PDZRN4: variants seen among roughly 807,000 people sequenced by gnomAD.
The protein encoded by PDZRN4 is PDZ domain-containing RING finger protein 4.
PDZRN4 carries 70 observed loss-of-function variants against 99.0 expected under a neutral mutation model. That is an observed-to-expected ratio of 0.71 (90% confidence interval 0.58 to 0.86). The LOEUF (loss-of-function observed/expected upper bound fraction) is 0.86, where lower values mean the gene tolerates loss of function less well. Among genes scored for constraint, PDZRN4 ranks in the 40% least tolerant of loss-of-function variants. The pLI, the probability that PDZRN4 is intolerant of heterozygous loss-of-function variation, is 0.00. For missense variants in PDZRN4, 1,474 were observed against 1,331.2 expected, an observed-to-expected ratio of 1.11 and a Z score of -1.67; for synonymous variants, 551 against 501.6, an observed-to-expected ratio of 1.10 and a Z score of -1.32.
chr12:41,329,551 A>C (rs1951730365), intron 3 of PDZRN4, among the ~76,000 whole-genome samples: 1 of 152,116 alleles, frequency 6.6e-6, no homozygotes, highest in African/African-American at 2.4e-5. Context: ...TCAGTTCAGC[A>C]TATTGTTTAT....
chr12:41,222,522 T>C (rs1206899698), intron 3 of PDZRN4, among the ~76,000 whole-genome samples: 1 of 152,112 alleles, frequency 6.6e-6, no homozygotes, highest in East Asian at 1.9e-4. Context: ...TTACTATTAT[T>C]TCTATTTTTT....
At chr12:41,372,864 A>G (rs1366477164) in intron 3 of PDZRN4, among the ~76,000 whole-genome samples, 4 of 152,166 alleles carry the variant, frequency 2.6e-5, no homozygotes, top group African/African-American at 9.7e-5. Context: ...TACAGGATGA[A>G]TTTAAAAAGC....
At chr12:41,421,442 C>G (rs1463357237) in intron 3 of PDZRN4, among the ~76,000 whole-genome samples, 1 of 152,176 alleles carries the variant, frequency 6.6e-6, no homozygotes, top group Non-Finnish European at 1.5e-5. Flanking sequence ...ATCCACCTAC[C>G]TTGGCCTCCC....
chr12:41,504,532 A>T lies in PDZRN4; in HGVS notation c.844-1924A>T, dbSNP rs1263092285. On this transcript the variant is annotated intron_variant, in intron 3 of 9. Transcript: ENST00000402685. ...CTGACCACAATATGAAACATATGGG[A>T]TGATATTATTCAATGAAAGGGGCTA... 2.0e-5 allele frequency among the ~76,000 whole-genome samples: 3 copies of T among 152,144 alleles called. No individual in the cohort carries two copies. In the South Asian group the frequency reaches 6.2e-4, roughly 32 times the overall value.
intron 3 of PDZRN4, among the ~76,000 whole-genome samples, chr12:41,416,512 G>T (rs549604921): frequency 6.6e-6 from 1 of 152,086 alleles, no homozygotes; most frequent in South Asian, 2.1e-4. Flanking sequence ...AGCCAGCTGT[G>T]GGGGCAGTCA....
chr12:41,354,072 G>T (rs1951910411), intron 3 of PDZRN4, among the ~76,000 whole-genome samples: 1 of 152,098 alleles, frequency 6.6e-6, no homozygotes, highest in South Asian at 2.1e-4. Flanking sequence ...TATTAACAAG[G>T]CAGCTGGCTT....
At position 41,545,145 on chromosome 12, in the gene PDZRN4, C is replaced by T. The variant is rs571339395; in HGVS notation, c.1204-7511C>T. 5.9e-5 allele frequency among the ~76,000 whole-genome samples: 9 copies of T among 152,258 alleles called. No homozygotes were observed. In the South Asian group the frequency reaches 1.0e-3, roughly 18 times the overall value. On this transcript the variant is annotated intron_variant, in intron 5 of 9. Coordinates refer to ENST00000402685, the MANE Select transcript of PDZRN4 (RefSeq NM_001164595.2). ...AGTTTTATTTCTTTTATAATAGCCCCGTTTACTTTTTGCAAAGAACCCAAA... is the reference window on the plus strand; with the variant it reads ...AGTTTTATTTCTTTTATAATAGCCCTGTTTACTTTTTGCAAAGAACCCAAA...
intron 5 of PDZRN4, among the ~76,000 whole-genome samples, chr12:41,517,052 C>T (rs957747604): frequency 4.6e-5 from 7 of 151,912 alleles, no homozygotes; most frequent in Non-Finnish European, 1.5e-5. Context: ...TAATTCTTTC[C>T]GATTTCTTAC....
intron 3 of PDZRN4, among the ~76,000 whole-genome samples, chr12:41,305,100 G>A (rs1388227445): frequency 4.6e-5 from 7 of 152,196 alleles, no homozygotes; most frequent in South Asian, 2.1e-4. Context: ...CATAAACTGC[G>A]AGAACAGACT....
chr12:41,432,545 A>G (rs1952593905), intron 3 of PDZRN4, among the ~76,000 whole-genome samples: 1 of 152,240 alleles, frequency 6.6e-6, no homozygotes, highest in Non-Finnish European at 1.5e-5. Context: ...ACAGAATGTG[A>G]AAGGTACAAT....
At chr12:41,322,918 C>T (rs1217133408) in intron 3 of PDZRN4, among the ~76,000 whole-genome samples, 2 of 150,660 alleles carry the variant, frequency 1.3e-5, no homozygotes, top group African/African-American at 4.9e-5. Flanking sequence ...TCTCATACAT[C>T]TTGAAAAAAA....
intron 3 of PDZRN4, among the ~76,000 whole-genome samples, chr12:41,499,429 A>C (rs1170327051): frequency 1.3e-5 from 2 of 152,128 alleles, no homozygotes; most frequent in African/African-American, 4.8e-5. Context: ...TTTCCTCAGT[A>C]AGAATCAGAA....
intron 3 of PDZRN4, among the ~76,000 whole-genome samples, chr12:41,367,871 CAGA>C (rs1197172549): frequency 1.3e-5 from 2 of 152,010 alleles, no homozygotes; most frequent in African/African-American, 4.8e-5. Flanking sequence ...GTCCAAAAGG[CAGA>C]AGGATTCTTT....
At chr12:41,431,590 C>T (rs184455648) in intron 3 of PDZRN4, among the ~76,000 whole-genome samples, 1 of 152,250 alleles carries the variant, frequency 6.6e-6, no homozygotes, top group Non-Finnish European at 1.5e-5. Flanking sequence ...TTGTACAAGC[C>T]CACACAGGTG....
intron 3 of PDZRN4, among the ~76,000 whole-genome samples, chr12:41,200,437 C>T (rs1950807264): frequency 6.6e-6 from 1 of 152,076 alleles, no homozygotes; most frequent in Non-Finnish European, 1.5e-5. Context: ...GATCCTTATA[C>T]CATTGAGTGT....
At chr12:41,501,715 G>A (rs922755348) in intron 3 of PDZRN4, among the ~76,000 whole-genome samples, 1 of 152,030 alleles carries the variant, frequency 6.6e-6, no homozygotes, top group Non-Finnish European at 1.5e-5. Flanking sequence ...TTTAGAAACA[G>A]GATAATTATT....
At chr12:41,465,892 T>A (rs981494294) in intron 3 of PDZRN4, among the ~76,000 whole-genome samples, 9 of 151,578 alleles carry the variant, frequency 5.9e-5, no homozygotes, top group African/African-American at 2.2e-4. Flanking sequence ...TGTTTCAGTG[T>A]TTTTTTTTAA....
chr12:41,258,203 T>G (rs1951215924), intron 3 of PDZRN4, among the ~76,000 whole-genome samples: 1 of 152,226 alleles, frequency 6.6e-6, no homozygotes, highest in African/African-American at 2.4e-5. Context: ...TGTTTTGTAT[T>G]GTGTTGTAAA....
intron 3 of PDZRN4, among the ~76,000 whole-genome samples, chr12:41,350,617 G>A (rs1300671707): frequency 6.6e-6 from 1 of 152,042 alleles, no homozygotes; most frequent in Non-Finnish European, 1.5e-5. Flanking sequence ...GAATATGAGT[G>A]CCTGATTTTC....
Sources: gnomAD v4.1 joint callset for allele counts (sites outside exome capture counted in the v4.1 genomes callset) on GRCh38, gnomAD v4.1.1 for gene constraint, MANE v1.5 for transcripts, NCBI Gene and HGNC (gene_info 2026-07-23, HGNC 2026-07-21) for gene names.